DYNC1I2: variants seen among roughly 807,000 people sequenced by gnomAD.
The protein encoded by DYNC1I2 is dynein cytoplasmic 1 intermediate chain 2.
A neutral mutation model predicts 88.6 loss-of-function variants in DYNC1I2; 53 were observed. That is an observed-to-expected ratio of 0.60 (90% CI 0.48 to 0.75). The LOEUF (loss-of-function observed/expected upper bound fraction) is 0.75. Among genes scored for constraint, DYNC1I2 ranks in the 30% least tolerant of loss-of-function variants. DYNC1I2 has a pLI of 0.00. For synonymous variants in DYNC1I2, 198 were observed against 254.6 expected (o/e 0.78, Z 2.12); for missense variants, 458 against 766.6 (o/e 0.60, Z 4.75).
rs1689978647 is a variant in DYNC1I2 at position 171,749,446 on chromosome 2, T to C, written c.*1557T>C. 6.6e-6 allele frequency among the ~76,000 whole-genome samples: 1 copy of C among 152,114 alleles called. No homozygotes were observed. The highest frequency in any genetic ancestry group is 2.4e-5 in the African/African-American group (1 of 41,452). On this transcript the variant is annotated 3_prime_UTR_variant, in exon 18 of 18. Transcript: ENST00000397119. ...AAAGACAATATCTCAAGTTATCTCA[T>C]TGTAGCAGTGTCTGTGAGTCAAAAC...
In DYNC1I2 at chr2:171,687,558, G is replaced by A. The variant is rs1685055539; in HGVS notation, c.-79G>A. ...GCGTAGTTTTCCAGTTTTTGGCAAA[G>A]CGGAAATACTTAAGGCCCCTGGGTT... On this transcript the variant is annotated 5_prime_UTR_variant, in exon 1 of 18. Transcript: ENST00000397119. 1 of 152,206 alleles carries A rather than the reference G, an allele frequency of 6.6e-6. No individual in the cohort carries two copies. 9.4% of individuals were successfully genotyped at this position (152,206 alleles called of 1,614,324 possible).
At chr2:171,723,110 A>G (rs367687580) in intron 7 of DYNC1I2, among the ~76,000 whole-genome samples, 1 of 152,240 alleles carries the variant, frequency 6.6e-6, no homozygotes, top group African/African-American at 2.4e-5. Context: ...TCTGTTAAAT[A>G]TGTAAATTAT....
At chr2:171,698,296 T>TA (rs1480732456) in intron 3 of DYNC1I2, among the ~76,000 whole-genome samples, 3 of 152,200 alleles carry the variant, frequency 2.0e-5, no homozygotes, top group Non-Finnish European at 4.4e-5. Flanking sequence ...CCCTAAATGT[T>TA]AGAAAAGCAG....
chr2:171,688,620 T>C (rs905217227), intron 1 of DYNC1I2: 7 of 152,130 alleles, frequency 4.6e-5, no homozygotes, highest in Non-Finnish European at 1.0e-4. Context: ...TTCAAACAAA[T>C]CTTGGAAGAT....
intron 5 of DYNC1I2, among the ~76,000 whole-genome samples, chr2:171,711,845 A>G (rs189863872): frequency 1.0e-3 from 155 of 152,340 alleles, no homozygotes; most frequent in African/African-American, 3.5e-3. Context: ...TATTTGACAA[A>G]AATGGTAATA....
At chr2:171,705,178 G>C (rs1686585983) in intron 3 of DYNC1I2, among the ~76,000 whole-genome samples, 1 of 152,032 alleles carries the variant, frequency 6.6e-6, no homozygotes, top group Non-Finnish European at 1.5e-5. Flanking sequence ...TTTTATTTCA[G>C]AACTGGCTGT....
In DYNC1I2 at chr2:171,713,967, A is replaced by G. The variant is rs188781924; in HGVS notation, c.395+1141A>G. Among the ~76,000 whole-genome samples, 5 of 152,168 alleles carry G rather than the reference A, an allele frequency of 3.3e-5. No individual in the cohort carries two copies. In the East Asian group the frequency reaches 9.6e-4, roughly 29 times the overall value. ...AAATCTTGGAATATTTCGTTTGTTTAGTATTATGGTTTTTTCTGTTAGACT... is the reference window on the plus strand; with the variant it reads ...AAATCTTGGAATATTTCGTTTGTTTGGTATTATGGTTTTTTCTGTTAGACT... On this transcript the variant is annotated intron_variant, in intron 6 of 17. Transcript: ENST00000397119.
Position 171,690,273 on chromosome 2 carries a change from A to G in DYNC1I2, c.108+10A>G, listed in dbSNP as rs1559358556. On this transcript the variant is annotated intron_variant, in intron 2 of 17. Transcript: ENST00000397119. ...AAGGAAAAAAAAAGAAGTATGTTTGATTTTTTTGCTTAAATAAACAACATA... is the reference window on the plus strand; with the variant it reads ...AAGGAAAAAAAAAGAAGTATGTTTGGTTTTTTTGCTTAAATAAACAACATA... 1 of 1,527,370 alleles carries G rather than the reference A, an allele frequency of 6.5e-7. No homozygotes were observed. Among genetic ancestry groups the G allele is most frequent in the African/African-American group, 1.4e-5 (1 of 71,926 alleles). 94.6% of individuals were successfully genotyped at this position (1,527,370 alleles called of 1,614,324 possible).
At chr2:171,725,177 A>AT (rs1688154213) in intron 7 of DYNC1I2, among the ~76,000 whole-genome samples, 1 of 152,180 alleles carries the variant, frequency 6.6e-6, no homozygotes, top group Admixed American at 6.6e-5. Context: ...TCTGTAGGCT[A>AT]TTTTAGACAT....
At chr2:171,693,041 T>C (rs1056060448) in intron 3 of DYNC1I2, 147 bp downstream of exon 3, 24 of 674,196 alleles carry the variant, frequency 3.6e-5, no homozygotes, top group Non-Finnish European at 5.5e-5. Context: ...TGTCTTTTTT[T>C]CAGATATGCT....
chr2:171,726,397 G>A, intron 10 of DYNC1I2, 104 bp downstream of exon 10: 1 of 782,052 alleles, frequency 1.3e-6, no homozygotes, highest in South Asian at 2.0e-5. Context: ...ATCAATATGT[G>A]TTATTTAAAA....
intron 15 of DYNC1I2, among the ~76,000 whole-genome samples, chr2:171,734,538 T>C (rs989527740): frequency 6.6e-6 from 1 of 152,218 alleles, no homozygotes; most frequent in Non-Finnish European, 1.5e-5. Context: ...TCAATTGGGA[T>C]ACATGCCTCT....
intron 2 of DYNC1I2, 33 bp downstream of exon 2, chr2:171,690,296 A>G: frequency 7.0e-7 from 1 of 1,432,178 alleles, no homozygotes; most frequent in Non-Finnish European, 9.5e-7. Flanking sequence ...AATAAACAAC[A>G]TAAAGTAATT....
intron 3 of DYNC1I2, among the ~76,000 whole-genome samples, chr2:171,701,127 T>C (rs1459711110): frequency 6.6e-6 from 1 of 152,274 alleles, no homozygotes; most frequent in Non-Finnish European, 1.5e-5. Flanking sequence ...ATTGTATTTT[T>C]ATATTCATCT....
chr2:171,708,757 A>G (rs1439491503), intron 5 of DYNC1I2, among the ~76,000 whole-genome samples: 2 of 151,984 alleles, frequency 1.3e-5, no homozygotes, highest in African/African-American at 2.4e-5. Flanking sequence ...CAGTGGCGCA[A>G]TCTTGGCTCA....
In DYNC1I2 at chr2:171,745,918, T is replaced by C. The variant is rs1280558484; in HGVS notation, c.1794T>C (p.Asp598=). 4 of 1,613,614 alleles carry C rather than the reference T, an allele frequency of 2.5e-6. No homozygotes were observed. Among genetic ancestry groups the C allele is most frequent in the Middle Eastern group, 1.7e-4 (1 of 6,056 alleles). ...GDSEGQIVIY[D]VGEQIAVPRN... ...CTGAAGGACAGATTGTTATATACGATGTGGGAGAGGTATGGGACTCCCTGC... is the reference window on the plus strand; with the variant it reads ...CTGAAGGACAGATTGTTATATACGACGTGGGAGAGGTATGGGACTCCCTGC... The change falls in exon 17 of 18, where the codon GAT becomes GAC. Residue 598 remains aspartate (D), a synonymous_variant. Transcript: ENST00000397119.
At chr2:171,719,757 G>T (rs1044014314) in intron 7 of DYNC1I2, among the ~76,000 whole-genome samples, 4 of 151,776 alleles carry the variant, frequency 2.6e-5, no homozygotes, top group African/African-American at 9.7e-5. Context: ...TCACTCTTCT[G>T]GCCACCTTCT....
chr2:171,697,876 G>T (rs2105485984), intron 3 of DYNC1I2, among the ~76,000 whole-genome samples: 1 of 151,436 alleles, frequency 6.6e-6, no homozygotes, highest in South Asian at 2.1e-4. Context: ...GAAAAGAAAA[G>T]AAAAGAAAAG....
At chr2:171,727,025 C>G (rs1688302285) in intron 11 of DYNC1I2, 109 bp downstream of exon 11, 1 of 1,249,048 alleles carries the variant, frequency 8.0e-7, no homozygotes, top group Non-Finnish European at 1.1e-6. Flanking sequence ...ATTGGATTGG[C>G]ATTTTACTAA....
Sources: allele counts gnomAD v4.1 joint callset (sites outside exome capture counted in the v4.1 genomes callset), GRCh38; gene constraint gnomAD v4.1.1; transcripts MANE v1.5; gene names NCBI Gene and HGNC (gene_info 2026-07-23, HGNC 2026-07-21).